RAF1: variants seen among roughly 807,000 people sequenced by gnomAD.
RAF1 encodes RAF proto-oncogene serine/threonine-protein kinase.
Under a neutral mutation model 81.1 loss-of-function variants are expected in RAF1, and 27 were observed. That is an observed-to-expected ratio of 0.33 (90% CI 0.25 to 0.46). RAF1 has a LOEUF of 0.46. Ranked by LOEUF, RAF1 falls within the 20% of genes least tolerant of loss-of-function variation. The pLI, the probability that RAF1 is intolerant of heterozygous loss-of-function variation, is 1.00. For missense variants in RAF1, 598 were observed against 826.0 expected (o/e 0.72, Z 3.38); for synonymous variants, 298 against 294.0 (o/e 1.01, Z -0.14).
chr3:12,646,168 C>G (rs972195811), intron 1 of RAF1, among the ~76,000 whole-genome samples: 3 of 152,120 alleles, frequency 2.0e-5, no homozygotes, highest in African/African-American at 4.8e-5. Flanking sequence ...GAGACGGAGT[C>G]TCCCTTTGTC....
intron 1 of RAF1, among the ~76,000 whole-genome samples, chr3:12,650,129 G>T (rs2060475549): frequency 7.8e-6 from 1 of 127,616 alleles, no homozygotes; most frequent in Non-Finnish European, 1.6e-5. Context: ...CCGGGAGACA[G>T]TGCGAGACTC....
chr3:12,587,444 TTC>T, intron 14 of RAF1, 145 bp downstream of exon 13: 1 of 811,266 alleles, frequency 1.2e-6, no homozygotes, highest in South Asian at 1.4e-5. Context: ...CCTACTAATT[TTC>T]TGACTTTTCT....
At chr3:12,595,906 T>G (rs2058671567) in intron 11 of RAF1, among the ~76,000 whole-genome samples, 1 of 151,842 alleles carries the variant, frequency 6.6e-6, no homozygotes, top group Admixed American at 6.6e-5. Flanking sequence ...CACAGGGTCT[T>G]GTTCTGTTGC....
chr3:12,660,955 A>G (rs1221692720), intron 1 of RAF1, among the ~76,000 whole-genome samples: 1 of 152,194 alleles, frequency 6.6e-6, no homozygotes, highest in East Asian at 1.9e-4. Context: ...AAAACACCAC[A>G]TATCTTTAAA....
At chr3:12,586,617 A>T (rs567622119) in intron 14 of RAF1, among the ~76,000 whole-genome samples, 8 of 152,206 alleles carry the variant, frequency 5.3e-5, no homozygotes, top group South Asian at 2.1e-4. Flanking sequence ...CACAACTATC[A>T]TGCCTCTCAC....
At chr3:12,604,334 T>C (rs781695291) in intron 6 of RAF1, 45 bp from the exon 7 acceptor site, 4 of 1,592,656 alleles carry the variant, frequency 2.5e-6, no homozygotes, top group Non-Finnish European at 8.6e-7. Flanking sequence ...TAGGCTTTCA[T>C]ACTGGTGAAG....
intron 2 of RAF1, among the ~76,000 whole-genome samples, chr3:12,614,518 AC>A (rs1268178254): frequency 6.6e-6 from 1 of 151,824 alleles, no homozygotes; most frequent in Admixed American, 6.6e-5. Flanking sequence ...TGTACCCTTT[AC>A]CACCCCAGTT....
rs566188761 is a variant in RAF1 at position 12,658,947 on chromosome 3, G to C, written c.-27+4866C>G. Among the ~76,000 whole-genome samples, 77 of 152,266 alleles carry C rather than the reference G, an allele frequency of 5.1e-4. 2 individuals carry two copies. The highest frequency in any genetic ancestry group is 5.0e-3 in the Admixed American group (76 of 15,282). The stretch of plus-strand genomic sequence containing the variant: ...CCTTAGTTAAGCTGAGATTCTAGGG[G>C]TCATTTTAGAAGAAAGGCAAACAGA... On this transcript the variant is annotated intron_variant, in intron 1 of 17. Coordinates refer to ENST00000442415, the MANE Select transcript of RAF1 (RefSeq NM_001354689.3).
chr3:12,636,458 T>C (rs1184863521), intron 1 of RAF1, among the ~76,000 whole-genome samples: 2 of 107,912 alleles, frequency 1.9e-5, no homozygotes, highest in Non-Finnish European at 1.9e-5. Flanking sequence ...AAAAAAAAAC[T>C]GATTGATTAC....
rs2058217727 is a variant in RAF1, at chr3:12,583,756, G to A, written c.*758C>T. The A allele has an allele frequency of 4.3e-6, 1 of 232,810 alleles. No individual in the cohort carries two copies. The highest frequency in any genetic ancestry group is 2.2e-5 in the African/African-American group (1 of 44,998). The allele number at this position is 232,810 out of a possible 1,614,324, so 14.4% of individuals were successfully genotyped here. A position where few individuals can be genotyped will look rare whatever the true frequency, so the allele number is the denominator to read the frequency against. Reference sequence around the variant, plus strand: ...CTTGTATACACATGATGTGACTAGAGAAACAAGGCTGTTTGTTTGTTTGTT... The same window carrying A: ...CTTGTATACACATGATGTGACTAGAAAAACAAGGCTGTTTGTTTGTTTGTT... On this transcript the variant is annotated 3_prime_UTR_variant, in exon 18 of 18. Transcript: ENST00000442415.
intron 1 of RAF1, among the ~76,000 whole-genome samples, chr3:12,624,897 A>AAC (rs1553618111): frequency 0.029 from 4,006 of 138,964 alleles, 244 homozygotes; most frequent in African/African-American, 0.1. Context: ...AAAAAAAAAA[A>AAC]AAAAACAAAA....
At chr3:12,586,032 C>A (rs5746241) in intron 14 of RAF1, 29 of 504,898 alleles carry the variant, frequency 5.7e-5, no homozygotes, top group African/African-American at 4.6e-4. Flanking sequence ...TAGCCAAAAG[C>A]AAGCCAGCGT....
rs1233875932 is a variant in RAF1, at chr3:12,606,274, C to G, written c.607G>C (p.Asp203His). 1 of 1,612,356 alleles carries G rather than the reference C, an allele frequency of 6.2e-7. No individual in the cohort carries two copies. The highest frequency in any genetic ancestry group is 8.5e-7 in the Non-Finnish European group (1 of 1,178,522). The change falls in exon 6 of 18, where the codon GAT (aspartate) becomes CAT (histidine). Residue 203 changes from aspartate to histidine, a missense_variant. This residue lies in a region of RAF1 where 194 missense variants were observed against 202.7 expected (regional missense o/e 0.96). Coordinates refer to ENST00000442415, the MANE Select transcript of RAF1 (RefSeq NM_001354689.3). ...GAAGGTAGTGCTGGGACTCCACTAT[C>G]ACCAATAGTGGAATTTGGAAACAAT...
At chr3:12,648,747 A>G (rs1415236149) in intron 1 of RAF1, among the ~76,000 whole-genome samples, 1 of 148,602 alleles carries the variant, frequency 6.7e-6, no homozygotes, top group Non-Finnish European at 1.5e-5. Context: ...TTCTGCTTCA[A>G]AAAAAAAAAA....
chr3:12,584,724 C>G (rs41293391), intron 17 of RAF1, 67 bp from the exon 17 acceptor site: 1 of 1,613,186 alleles, frequency 6.2e-7, no homozygotes, highest in African/African-American at 1.3e-5. Context: ...CCCTGCCCCC[C>G]ACCATCTTGT....
intron 2 of RAF1, among the ~76,000 whole-genome samples, chr3:12,614,631 G>T (rs1276217607): frequency 1.3e-5 from 2 of 149,766 alleles, no homozygotes; most frequent in African/African-American, 4.9e-5. Context: ...TCACTATATT[G>T]CCCAGGCTGG....
At chr3:12,656,686 C>T (rs1299757934) in intron 1 of RAF1, among the ~76,000 whole-genome samples, 2 of 152,088 alleles carry the variant, frequency 1.3e-5, no homozygotes, top group Non-Finnish European at 2.9e-5. Context: ...TAAACTGAGA[C>T]ATAAGACATC....
intron 2 of RAF1, among the ~76,000 whole-genome samples, chr3:12,614,565 A>T (rs1575593477): frequency 6.6e-6 from 1 of 150,962 alleles, no homozygotes; most frequent in African/African-American, 2.4e-5. Context: ...GGCTGGGACC[A>T]CAGGTGGGCA....
chr3:12,640,751 T>A (rs1421666829), intron 1 of RAF1, among the ~76,000 whole-genome samples: 1 of 152,052 alleles, frequency 6.6e-6, no homozygotes, highest in Non-Finnish European at 1.5e-5. Context: ...TAGAACACTT[T>A]TACACTGTTG....
Sources: gnomAD v4.1 joint callset for allele counts (sites outside exome capture counted in the v4.1 genomes callset) on GRCh38, gnomAD v4.1.1 for gene constraint, gnomAD v4.1.1 regional missense constraint, MANE v1.5 for transcripts, NCBI Gene and HGNC (gene_info 2026-07-23, HGNC 2026-07-21) for gene names.